DLGAP4: variants seen among roughly 807,000 people sequenced by gnomAD.
DLGAP4 encodes disks large-associated protein 4.
A neutral mutation model predicts 86.9 loss-of-function variants in DLGAP4; 18 were observed. The observed-to-expected ratio is 0.21, with a 90% CI of 0.14 to 0.31. DLGAP4 has a LOEUF of 0.31. DLGAP4 is among the 10% of genes least tolerant of loss of function. The pLI is 1.00. For synonymous variants in DLGAP4, 548 were observed against 574.3 expected (o/e 0.95, Z 0.65); for missense variants, 1,085 against 1,362.6 (o/e 0.80, Z 3.21).
At chr20:36,460,070 G>A (rs2033983867) in intron 7 of DLGAP4, among the ~76,000 whole-genome samples, 1 of 152,228 alleles carries the variant, frequency 6.6e-6, no homozygotes, top group Admixed American at 6.5e-5. Context: ...CACACAGGGA[G>A]TGTGTTATTA....
intron 1 of DLGAP4, among the ~76,000 whole-genome samples, chr20:36,331,500 G>A (rs6019660): frequency 0.61 from 93,497 of 152,110 alleles, 29,213 homozygotes; most frequent in African/African-American, 0.72. Context: ...GGGGTCACCC[G>A]GGCTGCTGGC....
At position 36,350,348 on chromosome 20, in the gene DLGAP4, C is replaced by A. The variant is rs782789121; in HGVS notation, c.-303-16697C>A. On this transcript the variant is annotated intron_variant, in intron 1 of 12. Coordinates refer to ENST00000339266, the MANE Select transcript of DLGAP4 (RefSeq NM_001365621.2). The surrounding 1 kb of genome is among the most constrained non-coding windows in gnomAD (Gnocchi z 4.4). The stretch of plus-strand genomic sequence containing the variant: ...AAGTGCCTGGGTGAGAGCAGTCCCT[C>A]CTGGGTGGGGCAGTGGGGTCCTGTG... Among the ~76,000 whole-genome samples, 1 of 152,206 alleles carries A rather than the reference C, an allele frequency of 6.6e-6. No homozygotes were observed. The highest frequency in any genetic ancestry group is 6.5e-5 in the Admixed American group (1 of 15,280).
chr20:36,362,107 C>T (rs559888171), intron 1 of DLGAP4, among the ~76,000 whole-genome samples: 7 of 151,404 alleles, frequency 4.6e-5, no homozygotes, highest in African/African-American at 1.7e-4. Flanking sequence ...GCCTGGCCAA[C>T]GTGATGAAAC....
intron 1 of DLGAP4, among the ~76,000 whole-genome samples, chr20:36,310,957 T>C (rs2065048223): frequency 6.6e-6 from 1 of 152,186 alleles, no homozygotes; most frequent in African/African-American, 2.4e-5. Flanking sequence ...CTCACATGAC[T>C]AGATTTTCTT....
intron 1 of DLGAP4, among the ~76,000 whole-genome samples, chr20:36,316,111 A>G (rs1230933576): frequency 1.3e-5 from 2 of 152,160 alleles, no homozygotes; most frequent in African/African-American, 4.8e-5. Context: ...CTCCTTCCCC[A>G]TTGACCTCCC....
chr20:36,311,120 C>T (rs2065049440), intron 1 of DLGAP4, among the ~76,000 whole-genome samples: 1 of 152,046 alleles, frequency 6.6e-6, no homozygotes, highest in Non-Finnish European at 1.5e-5. Flanking sequence ...TTCATCCCCC[C>T]ATCTTCTAGC....
In DLGAP4 at chr20:36,432,209, C is replaced by T. The variant is rs1418728212; in HGVS notation, c.492C>T (p.Val164=). ...APSLEGTAGK[V]GGNGSKKGGM... The stretch of plus-strand genomic sequence containing the variant: ...CACTGGAGGGCACAGCGGGCAAGGT[C>T]GGTGGCAATGGCAGCAAGAAGGGTG... The change falls in exon 3 of 13, where the codon GTC becomes GTT. Residue 164 remains valine (V), a synonymous_variant. Coordinates refer to ENST00000339266, the MANE Select transcript of DLGAP4 (RefSeq NM_001365621.2). This position sits in a 1 kb window ranked among gnomAD's most constrained non-coding sequence, Gnocchi z 6.5. 1.4e-5 allele frequency: 23 copies of T among 1,614,082 alleles called. No individual in the cohort carries two copies. Among genetic ancestry groups the T allele is most frequent in the Non-Finnish European group, 1.9e-5 (22 of 1,180,014 alleles).
intron 1 of DLGAP4, among the ~76,000 whole-genome samples, chr20:36,321,863 G>T (rs1035342370): frequency 6.6e-6 from 1 of 152,338 alleles, no homozygotes; most frequent in East Asian, 1.9e-4. Flanking sequence ...CTGCAGTGGT[G>T]ACCACATTTT....
chr20:36,352,929 A>G (rs1249302376), intron 1 of DLGAP4, among the ~76,000 whole-genome samples: 1 of 152,148 alleles, frequency 6.6e-6, no homozygotes, highest in Non-Finnish European at 1.5e-5. Flanking sequence ...CATAACATCC[A>G]CAAGAGGGGG....
In DLGAP4 at chr20:36,336,043, G is replaced by A. The variant is rs533764566; in HGVS notation, c.-304+29531G>A. ...AGGGCCCTCCTCCCCTGCCTCCAGAGGGACAGTTCCCTTTAGAGAGTTTGC... is the reference window on the plus strand; with the variant it reads ...AGGGCCCTCCTCCCCTGCCTCCAGAAGGACAGTTCCCTTTAGAGAGTTTGC... On this transcript the variant is annotated intron_variant, in intron 1 of 12. Coordinates refer to ENST00000339266, the MANE Select transcript of DLGAP4 (RefSeq NM_001365621.2). 1.1e-3 allele frequency among the ~76,000 whole-genome samples: 169 copies of A among 152,232 alleles called. 1 individual carries two copies. Among genetic ancestry groups the A allele is most frequent in the Non-Finnish European group, 2.0e-3 (137 of 68,012 alleles).
chr20:36,413,183 G>A (rs1345526607), intron 2 of DLGAP4, among the ~76,000 whole-genome samples: 1 of 151,482 alleles, frequency 6.6e-6, no homozygotes, highest in African/African-American at 2.4e-5. Flanking sequence ...TCACCATGTT[G>A]GCCAGGATGG....
At position 36,339,458 on chromosome 20, in the gene DLGAP4, G is replaced by A. The variant is rs545237369; in HGVS notation, c.-303-27587G>A. Among the ~76,000 whole-genome samples the A allele has an allele frequency of 9.0e-4, 137 of 152,268 alleles. 1 individual carries two copies. In the South Asian group the frequency reaches 0.027, roughly 30 times the overall value. On this transcript the variant is annotated intron_variant, in intron 1 of 12. Transcript: ENST00000339266. Reference sequence around the variant, plus strand: ...GCTGGAGTGCAGTGGCACGATCTCCGCTCACTGCAACATCAACCTCCTGGG... The same window carrying A: ...GCTGGAGTGCAGTGGCACGATCTCCACTCACTGCAACATCAACCTCCTGGG...
Position 36,385,641 on chromosome 20 carries a change from G to A in DLGAP4, c.-73+18366G>A, listed in dbSNP as rs537804168. ...CCAGAGCCAAGCATCCTTGTGGGGG[G>A]TCAGTGGCCAGGCCAGCTCTGGCTG... On this transcript the variant is annotated intron_variant, in intron 2 of 12. Coordinates refer to ENST00000339266, the MANE Select transcript of DLGAP4 (RefSeq NM_001365621.2). Among the ~76,000 whole-genome samples, 3 of 152,332 alleles carry A rather than the reference G, an allele frequency of 2.0e-5. No individual in the cohort carries two copies. In the South Asian group the frequency reaches 6.2e-4, roughly 32 times the overall value.
At chr20:36,416,418 G>A (rs1251117524) in intron 2 of DLGAP4, among the ~76,000 whole-genome samples, 1 of 152,234 alleles carries the variant, frequency 6.6e-6, no homozygotes, top group Non-Finnish European at 1.5e-5. Context: ...CACGCACCCG[G>A]CCTAAACCAT....
At chr20:36,435,961 G>A in intron 3 of DLGAP4, 148 bp from the exon 4 acceptor site, 7 of 1,252,628 alleles carry the variant, frequency 5.6e-6, no homozygotes, top group Non-Finnish European at 7.4e-6. Flanking sequence ...GCTCTGCTCT[G>A]CTGCCCCGAG....
rs2034136471 is a variant in DLGAP4 at position 36,462,481 on chromosome 20, C to T, written c.1648+15544C>T. 4 of 1,577,052 alleles carry T rather than the reference C, an allele frequency of 2.5e-6. No homozygotes were observed. The East Asian group carries it at 9.7e-5, about 38-fold the overall frequency. On this transcript the variant is annotated intron_variant, in intron 7 of 12. Transcript: ENST00000339266. ...CCCTTGCTTTTTCAGCCCTAGCCCC[C>T]TGTCTCCCCTTCTCTCTGCTCCTTG...
At chr20:36,397,012 G>A (rs2032021056) in intron 2 of DLGAP4, among the ~76,000 whole-genome samples, 1 of 152,172 alleles carries the variant, frequency 6.6e-6, no homozygotes, top group South Asian at 2.1e-4. Flanking sequence ...CCATATTCCA[G>A]GCAGGTAAAC....
chr20:36,503,935 T>G (rs2036255099), intron 10 of DLGAP4, among the ~76,000 whole-genome samples: 1 of 152,238 alleles, frequency 6.6e-6, no homozygotes, highest in Non-Finnish European at 1.5e-5. Context: ...TCCATTCTTC[T>G]GTTGATGGAC....
At chr20:36,414,813 A>G (rs3935954) in intron 2 of DLGAP4, among the ~76,000 whole-genome samples, 103,376 of 152,172 alleles carry the variant, frequency 0.68, 35,259 homozygotes, top group South Asian at 0.85. Flanking sequence ...CACTTGAAAT[A>G]TGGCAAATGC....
Sources: gnomAD v4.1 joint callset for allele counts (sites outside exome capture counted in the v4.1 genomes callset) on GRCh38, gnomAD v4.1.1 for gene constraint, Gnocchi (gnomAD v3.1) non-coding constraint, MANE v1.5 for transcripts, NCBI Gene and HGNC (gene_info 2026-07-23, HGNC 2026-07-21) for gene names.